Variants in MRTFB observed in about 807,000 individuals in gnomAD.
The protein encoded by MRTFB is myocardin-related transcription factor B.
Under a neutral mutation model 104.2 loss-of-function variants are expected in MRTFB, and 29 were observed. That is an observed-to-expected ratio of 0.28 (90% CI 0.21 to 0.38). The LOEUF is 0.38. Among genes scored for constraint, MRTFB ranks in the 10% least tolerant of loss-of-function variants. MRTFB has a pLI of 1.00. For missense variants in MRTFB, 1,270 were observed against 1,341.6 expected, an observed-to-expected ratio of 0.95 and a Z score of 0.83; for synonymous variants, 535 against 519.5, an observed-to-expected ratio of 1.03 and a Z score of -0.41.
the MRTFB span, among the ~76,000 whole-genome samples, chr16:14,046,691 T>A: frequency 2.0e-5 from 3 of 152,196 alleles, no homozygotes; most frequent in South Asian, 6.2e-4. Flanking sequence ...CACGATCATG[T>A]TTCTTAATCA....
At chr16:14,016,480 A>T in the MRTFB span, among the ~76,000 whole-genome samples, 2 of 151,966 alleles carry the variant, frequency 1.3e-5, no homozygotes, top group East Asian at 1.9e-4. Flanking sequence ...CCCTTAAAGG[A>T]CTCTGACCTA....
chr16:14,110,849 A>T (rs2036234681), intron 2 of MRTFB, among the ~76,000 whole-genome samples: 1 of 152,030 alleles, frequency 6.6e-6, no homozygotes, highest in South Asian at 2.1e-4. Context: ...CCCAGCGTGA[A>T]TCCCTCCTTT....
At chr16:14,041,964 TA>T in the MRTFB span, among the ~76,000 whole-genome samples, 1 of 152,164 alleles carries the variant, frequency 6.6e-6, no homozygotes, top group African/African-American at 2.4e-5. Flanking sequence ...TTGGGGTATA[TA>T]TCCAGAAGTG....
chr16:14,039,486 G>C, the MRTFB span, among the ~76,000 whole-genome samples: 1 of 152,078 alleles, frequency 6.6e-6, no homozygotes, highest in Admixed American at 6.6e-5. Flanking sequence ...GGATCACTGA[G>C]GGCCATCTCA....
intron 2 of MRTFB, among the ~76,000 whole-genome samples, chr16:14,127,929 A>ATTTTTTTTTTT (rs67001306): frequency 4.5e-5 from 2 of 44,632 alleles, no homozygotes; most frequent in Non-Finnish European, 6.6e-5. Context: ...ATATATATAT[A>ATTTTTTTTTTT]TTTTTTTTTT....
At chr16:14,121,942 T>A (rs2036864834) in intron 2 of MRTFB, among the ~76,000 whole-genome samples, 2 of 152,244 alleles carry the variant, frequency 1.3e-5, no homozygotes, top group Admixed American at 1.3e-4. Context: ...AGCTACTGTA[T>A]GGTACACTCA....
intron 2 of MRTFB, among the ~76,000 whole-genome samples, chr16:14,105,837 T>G (rs1344792164): frequency 6.6e-6 from 1 of 152,254 alleles, no homozygotes; most frequent in Non-Finnish European, 1.5e-5. Flanking sequence ...TAAAATGCTG[T>G]CATTCTGTCT....
chr16:14,239,346 C>T (rs2151356537), intron 9 of MRTFB, among the ~76,000 whole-genome samples: 1 of 152,294 alleles, frequency 6.6e-6, no homozygotes. Context: ...CTGCAGAATG[C>T]AGTGAGTTTT....
chr16:14,229,195 T>G (rs1193439712), intron 8 of MRTFB, among the ~76,000 whole-genome samples: 1 of 152,224 alleles, frequency 6.6e-6, no homozygotes, highest in Non-Finnish European at 1.5e-5. Context: ...GAAATTCACT[T>G]TTAATATTCA....
At chr16:14,094,177 C>T (rs1448093438) in intron 2 of MRTFB, among the ~76,000 whole-genome samples, 1 of 152,074 alleles carries the variant, frequency 6.6e-6, no homozygotes, top group East Asian at 1.9e-4. Flanking sequence ...CCTGTTGCAC[C>T]ATGTAAGATG....
chr16:14,210,399 GTATCC>G (rs755327901), intron 4 of MRTFB, 91 bp downstream of exon 4: 34 of 946,136 alleles, frequency 3.6e-5, no homozygotes, highest in Non-Finnish European at 2.6e-5. Flanking sequence ...GCTTTCAGTT[GTATCC>G]ATTTAATCAA....
intron 3 of MRTFB, among the ~76,000 whole-genome samples, chr16:14,167,659 C>G (rs2039289324): frequency 6.6e-6 from 1 of 151,912 alleles, no homozygotes; most frequent in South Asian, 2.1e-4. Flanking sequence ...AGTCTTTAAT[C>G]TATCTTTTTG....
chr16:14,252,059 C>T (rs747582878), intron 14 of MRTFB, 36 bp downstream of exon 14: 48 of 1,603,574 alleles, frequency 3.0e-5, no homozygotes, highest in Non-Finnish European at 3.8e-5. Context: ...GTGACAGTGC[C>T]GCAGGGGCAT....
chr16:14,065,335 T>A, the MRTFB span, among the ~76,000 whole-genome samples: 1 of 152,202 alleles, frequency 6.6e-6, no homozygotes, highest in African/African-American at 2.4e-5. Context: ...CTGGAGCTGT[T>A]AATCAGATCT....
chr16:14,182,694 G>C (rs2039810967), intron 3 of MRTFB, among the ~76,000 whole-genome samples: 1 of 152,092 alleles, frequency 6.6e-6, no homozygotes, highest in African/African-American at 2.4e-5. Context: ...ACAAAGCAGG[G>C]AAAAAGTACA....
At chr16:14,252,605 T>A in intron 15 of MRTFB, 103 bp downstream of exon 15, 1 of 1,309,142 alleles carries the variant, frequency 7.6e-7, no homozygotes, top group Admixed American at 2.9e-5. Context: ...CTGACTTGCC[T>A]CAATAGAAAT....
intron 2 of MRTFB, among the ~76,000 whole-genome samples, chr16:14,134,031 A>C (rs1285796190): frequency 7.0e-6 from 1 of 143,198 alleles, no homozygotes. Context: ...GATCATAATG[A>C]ATATTTCAAA....
At chr16:14,118,058 T>A (rs1030013522) in intron 2 of MRTFB, among the ~76,000 whole-genome samples, 10 of 151,326 alleles carry the variant, frequency 6.6e-5, no homozygotes, top group Non-Finnish European at 1.0e-4. Context: ...TAAAATAGAA[T>A]AGAACATTGC....
the MRTFB span, among the ~76,000 whole-genome samples, chr16:14,040,451 A>G: frequency 1.4e-5 from 2 of 147,110 alleles, no homozygotes; most frequent in African/African-American, 2.4e-5. Flanking sequence ...CCGTTGCTCT[A>G]TAATATTACT....
Sources: allele counts gnomAD v4.1 joint callset (sites outside exome capture counted in the v4.1 genomes callset), GRCh38; gene constraint gnomAD v4.1.1; transcripts MANE v1.5; gene names NCBI Gene and HGNC (gene_info 2026-07-23, HGNC 2026-07-21).